Variants in CAPZA2 observed in about 807,000 individuals in gnomAD.
CAPZA2 encodes the protein F-actin-capping protein subunit alpha-2.
In CAPZA2, 13 loss-of-function variants were observed where a neutral mutation model predicts 44.0. The ratio of observed to expected loss-of-function variants is 0.30; its 90% CI spans 0.19 to 0.47. The LOEUF (loss-of-function observed/expected upper bound fraction) is 0.47. Ranked by LOEUF, CAPZA2 falls within the 20% of genes least tolerant of loss-of-function variation. CAPZA2 has a pLI of 1.00. For synonymous variants in CAPZA2, 94 were observed against 108.2 expected, an observed-to-expected ratio of 0.87 and a Z score of 0.81; for missense variants, 244 against 338.6, an observed-to-expected ratio of 0.72 and a Z score of 2.19.
intron 4 of CAPZA2, among the ~76,000 whole-genome samples, chr7:116,903,233 AGT>A (rs71148342): frequency 0.25 from 36,560 of 146,212 alleles, 4,462 homozygotes; most frequent in East Asian, 0.33. Context: ...TGCAGAGAAG[AGT>A]GTGTGTGTGT....
intron 5 of CAPZA2, 134 bp from the exon 6 acceptor site, chr7:116,906,129 G>A: frequency 7.5e-7 from 1 of 1,328,198 alleles, no homozygotes; most frequent in Non-Finnish European, 9.9e-7. Flanking sequence ...CTACTATATT[G>A]GAATGATGGC....
intron 1 of CAPZA2, among the ~76,000 whole-genome samples, chr7:116,885,058 A>G (rs904946145): frequency 6.6e-6 from 1 of 152,144 alleles, no homozygotes; most frequent in African/African-American, 2.4e-5. Flanking sequence ...CGAAGTGTCT[A>G]TTCAAGTCCT....
chr7:116,883,399 A>G (rs1036080158), intron 1 of CAPZA2, among the ~76,000 whole-genome samples: 7 of 152,242 alleles, frequency 4.6e-5, no homozygotes, highest in African/African-American at 7.2e-5. Flanking sequence ...TGGTTGAACA[A>G]TATCTTCTTA....
chr7:116,917,211 A>G (rs2115990711), intron 9 of CAPZA2, among the ~76,000 whole-genome samples: 1 of 152,240 alleles, frequency 6.6e-6, no homozygotes, highest in African/African-American at 2.4e-5. Flanking sequence ...AGTTTATTCA[A>G]AATTATTATA....
intron 5 of CAPZA2, among the ~76,000 whole-genome samples, chr7:116,905,411 C>T (rs1016892086): frequency 3.9e-5 from 6 of 152,066 alleles, no homozygotes; most frequent in African/African-American, 9.7e-5. Context: ...CCTGTGACCA[C>T]GTGGCCTCTG....
chr7:116,890,287 A>T (rs1384132386), intron 2 of CAPZA2, among the ~76,000 whole-genome samples: 1 of 151,838 alleles, frequency 6.6e-6, no homozygotes, highest in African/African-American at 2.4e-5. Flanking sequence ...GGATGAGCCT[A>T]TTAAATAGGC....
At chr7:116,912,221 A>C (rs1385010007) in intron 8 of CAPZA2, 81 bp downstream of exon 8, 14 of 1,561,606 alleles carry the variant, frequency 9.0e-6, no homozygotes, top group African/African-American at 1.4e-5. Flanking sequence ...ATTTTAAGTA[A>C]TATTTCTGCT....
At chr7:116,880,643 C>T (rs563516278) in intron 1 of CAPZA2, among the ~76,000 whole-genome samples, 4 of 149,158 alleles carry the variant, frequency 2.7e-5, no homozygotes, top group Admixed American at 6.8e-5. Context: ...GTGATCCACC[C>T]GCCTCGGCCT....
At chr7:116,907,937 T>A (rs1060514) in intron 6 of CAPZA2, among the ~76,000 whole-genome samples, 8,374 of 152,250 alleles carry the variant, frequency 0.055, 785 homozygotes, top group African/African-American at 0.19. Context: ...GATAATATCA[T>A]GGCACAATAG....
chr7:116,887,668 C>G (rs1477037413), intron 1 of CAPZA2, among the ~76,000 whole-genome samples: 2 of 151,576 alleles, frequency 1.3e-5, no homozygotes, highest in African/African-American at 2.4e-5. Context: ...CTCATCTCTA[C>G]TAAAAATACA....
intron 3 of CAPZA2, among the ~76,000 whole-genome samples, chr7:116,895,048 A>G (rs1042925385): frequency 6.6e-6 from 1 of 152,040 alleles, no homozygotes; most frequent in Non-Finnish European, 1.5e-5. Context: ...GAAACTTTTT[A>G]TATATTAAAG....
Position 116,902,906 on chromosome 7 carries a change from T to A in CAPZA2, c.220-1271T>A, listed in dbSNP as rs145520353. On this transcript the variant is annotated intron_variant, in intron 4 of 9. Coordinates refer to ENST00000361183, the MANE Select transcript of CAPZA2 (RefSeq NM_006136.3). ...AAAAAATTTTTTTGTAGAGATGAGG[T>A]CTTACTATGTTGCCCGGGCTGGTCT... 3.5e-3 allele frequency among the ~76,000 whole-genome samples: 530 copies of A among 152,074 alleles called. 6 individuals carry two copies. The highest frequency in any genetic ancestry group is 0.012 in the African/African-American group (504 of 41,484).
intron 8 of CAPZA2, among the ~76,000 whole-genome samples, chr7:116,915,264 C>G (rs1033539581): frequency 8.6e-5 from 13 of 151,786 alleles, no homozygotes; most frequent in Non-Finnish European, 1.9e-4. Context: ...GATCACACTG[C>G]TGCACTCCAG....
intron 1 of CAPZA2, among the ~76,000 whole-genome samples, chr7:116,881,656 A>G (rs535004556): frequency 5.4e-4 from 80 of 148,632 alleles, no homozygotes; most frequent in Middle Eastern, 3.5e-3. Flanking sequence ...GGAGAATGGC[A>G]TGAACCCGGG....
chr7:116,913,806 G>T lies in CAPZA2; in HGVS notation c.657+1666G>T, dbSNP rs562196020. ...TTTTTTTTTTTTTTGGTAGAGATGG[G>T]GTTTCACCATGTTGCCCAGCTAGTC... On this transcript the variant is annotated intron_variant, in intron 8 of 9. Coordinates refer to ENST00000361183, the MANE Select transcript of CAPZA2 (RefSeq NM_006136.3). Among the ~76,000 whole-genome samples the T allele has an allele frequency of 5.6e-5, 8 of 142,668 alleles. No individual in the cohort carries two copies. In the South Asian group the frequency reaches 1.5e-3, roughly 28 times the overall value. 93.6% of individuals were successfully genotyped at this position (142,668 alleles called of 152,430 possible). A position where few individuals can be genotyped will look rare whatever the true frequency, so the allele number is the denominator to read the frequency against.
chr7:116,910,424 G>T, intron 7 of CAPZA2, 113 bp downstream of exon 7: 1 of 624,398 alleles, frequency 1.6e-6, no homozygotes, highest in Admixed American at 2.8e-5. Flanking sequence ...TCAGGTCTTT[G>T]TTTTGGGGTA....
At chr7:116,917,313 G>C (rs1585017060) in intron 9 of CAPZA2, among the ~76,000 whole-genome samples, 2 of 152,018 alleles carry the variant, frequency 1.3e-5, no homozygotes, top group Admixed American at 1.3e-4. Context: ...GGAGTGCAGT[G>C]GCGCGATCTC....
At chr7:116,901,099 C>T (rs933763460) in intron 4 of CAPZA2, among the ~76,000 whole-genome samples, 1 of 152,018 alleles carries the variant, frequency 6.6e-6, no homozygotes, top group Non-Finnish European at 1.5e-5. Flanking sequence ...GACAGTGTGG[C>T]GATTCCTCAG....
intron 4 of CAPZA2, 120 bp from the exon 5 acceptor site, chr7:116,904,057 T>C (rs1035085406): frequency 9.4e-6 from 6 of 639,226 alleles, no homozygotes; most frequent in Admixed American, 2.8e-5. Context: ...TTAAAATATA[T>C]GCTTGGAGTA....
Sources: gnomAD v4.1 joint callset for allele counts (sites outside exome capture counted in the v4.1 genomes callset) on GRCh38, gnomAD v4.1.1 for gene constraint, MANE v1.5 for transcripts, NCBI Gene and HGNC (gene_info 2026-07-23, HGNC 2026-07-21) for gene names.